Variants in FAM222B observed in about 807,000 individuals in gnomAD.
FAM222B encodes protein FAM222B.
Under a neutral mutation model 38.0 loss-of-function variants are expected in FAM222B, and 12 were observed. That is an observed-to-expected ratio of 0.32 (90% CI 0.20 to 0.51). The LOEUF (loss-of-function observed/expected upper bound fraction) is 0.51, where lower values mean the gene tolerates loss of function less well. Ranked by LOEUF, FAM222B falls within the 20% of genes least tolerant of loss-of-function variation. The pLI is 0.97. For synonymous variants in FAM222B, 329 were observed against 317.2 expected (o/e 1.04, Z -0.40); for missense variants, 716 against 754.2 (o/e 0.95, Z 0.59).
intron 1 of FAM222B, among the ~76,000 whole-genome samples, chr17:28,835,024 T>TTG (rs61229770): frequency 0.092 from 12,114 of 131,920 alleles, 571 homozygotes; most frequent in East Asian, 0.14. Flanking sequence ...TCAGCTAATT[T>TTG]TGTGTGTGTG....
intron 2 of FAM222B, among the ~76,000 whole-genome samples, chr17:28,760,946 T>C (rs1200888369): frequency 6.6e-6 from 1 of 152,236 alleles, no homozygotes; most frequent in Non-Finnish European, 1.5e-5. Context: ...ATTTATTTGC[T>C]TGAGAAGGAA....
At chr17:28,847,264 C>A (rs1342828583), upstream of FAM222B, among the ~76,000 whole-genome samples, 1 of 151,740 alleles carries the variant, frequency 6.6e-6, no homozygotes, top group Non-Finnish European at 1.5e-5. Flanking sequence ...CTTCCGTGAC[C>A]CCAAGTTACA....
intron 1 of FAM222B, chr17:28,776,917 T>C (rs1189974232): frequency 6.6e-6 from 1 of 152,192 alleles, no homozygotes; most frequent in Non-Finnish European, 1.5e-5. Flanking sequence ...ATTACAAGTT[T>C]ATCAAATCAG....
Position 28,759,010 on chromosome 17 carries a change from T to C in FAM222B, c.949A>G (p.Thr317Ala), listed in dbSNP as rs2034893294. ...TTGACCACACATGAAGGCATTGGTG[T>C]GGGGACGCTGTGGGTCGACACCCGG... Reference protein sequence around the residue: ...STRVSTHSVPTPMPSCVVNPM... With the variant: ...STRVSTHSVPAPMPSCVVNPM... The change falls in exon 3 of 3, where the codon ACA (threonine) becomes GCA (alanine). Residue 317 changes from threonine to alanine, a missense_variant. Thr to Ala is a moderately conservative substitution (Grantham distance 58). Coordinates refer to ENST00000581407, the MANE Select transcript of FAM222B (RefSeq NM_001077498.3). This position sits in a 1 kb window ranked among gnomAD's most constrained non-coding sequence, Gnocchi z 4.8. 9.3e-6 allele frequency: 15 copies of C among 1,612,922 alleles called. No individual in the cohort carries two copies. Among genetic ancestry groups the C allele is most frequent in the Non-Finnish European group, 1.3e-5 (15 of 1,179,532 alleles).
chr17:28,758,991 A>G lies in FAM222B; in HGVS notation c.968T>C (p.Val323Ala). The change falls in exon 3 of 3, where the codon GTG becomes GCG. Residue 323 changes from valine (V) to alanine (A), a missense_variant. Val to Ala is a moderately conservative substitution (Grantham distance 64, BLOSUM62 0). Transcript: ENST00000581407. ...HSVPTPMPSC[V>A]VNPMEHTHAA... ...GTGGGTGTGCTCCATGGGATTGACC[A>G]CACATGAAGGCATTGGTGTGGGGAC... 1.2e-6 allele frequency: 2 copies of G among 1,612,562 alleles called. No individual in the cohort carries two copies. The highest frequency in any genetic ancestry group is 1.7e-6 in the Non-Finnish European group (2 of 1,179,370).
At chr17:28,831,507 T>C (rs1027313110) in intron 1 of FAM222B, among the ~76,000 whole-genome samples, 6 of 147,262 alleles carry the variant, frequency 4.1e-5, no homozygotes, top group Admixed American at 2.0e-4. Flanking sequence ...TCAAAGGCTT[T>C]TTTTTTTTTT....
intron 1 of FAM222B, among the ~76,000 whole-genome samples, chr17:28,827,539 A>G (rs958511573): frequency 2.6e-5 from 4 of 152,194 alleles, no homozygotes; most frequent in African/African-American, 9.6e-5. Context: ...TGTTAGCAGG[A>G]TAGTAAAATG....
At position 28,761,378 on chromosome 17, in the gene FAM222B, A is replaced by G. The variant is rs569315345; in HGVS notation, c.83-1502T>C. On this transcript the variant is annotated intron_variant, in intron 2 of 2. Coordinates refer to ENST00000581407, the MANE Select transcript of FAM222B (RefSeq NM_001077498.3). Reference sequence around the variant, plus strand: ...GCTGAATGAGTACACAGACTGCCCAAAGCAGAAGTGGCTTGGCAGGAAGCC... The same window carrying G: ...GCTGAATGAGTACACAGACTGCCCAGAGCAGAAGTGGCTTGGCAGGAAGCC... 3.9e-5 allele frequency among the ~76,000 whole-genome samples: 6 copies of G among 152,310 alleles called. No homozygotes were observed. The South Asian group carries it at 1.2e-3, about 32-fold the overall frequency.
At chr17:28,806,583 G>A (rs1597978686) in intron 1 of FAM222B, among the ~76,000 whole-genome samples, 1 of 152,124 alleles carries the variant, frequency 6.6e-6, no homozygotes, top group African/African-American at 2.4e-5. Context: ...TAATTGGGAC[G>A]GCACCCTGTC....
chr17:28,821,671 C>T (rs531497630), intron 1 of FAM222B, among the ~76,000 whole-genome samples: 1 of 152,102 alleles, frequency 6.6e-6, no homozygotes, highest in South Asian at 2.1e-4. Flanking sequence ...ATAAAATAAT[C>T]GTACAGGGCC....
At chr17:28,846,540 G>A (rs987014307), upstream of FAM222B, among the ~76,000 whole-genome samples, 22 of 151,538 alleles carry the variant, frequency 1.5e-4, no homozygotes, top group African/African-American at 5.1e-4. Flanking sequence ...GTGGTGGCCC[G>A]CATCTGTAGT....
At chr17:28,796,586 G>A (rs1391229738) in intron 1 of FAM222B, among the ~76,000 whole-genome samples, 1 of 152,132 alleles carries the variant, frequency 6.6e-6, no homozygotes, top group Non-Finnish European at 1.5e-5. Flanking sequence ...CCAGTGTGTA[G>A]TAGTAAGAAG....
Position 28,758,816 on chromosome 17 carries a change from A to G in FAM222B, c.1143T>C (p.Ser381=), listed in dbSNP as rs1463552132. Residue 381 remains serine (S), a synonymous_variant, in exon 3 of 3, where the codon AGT becomes AGC. Transcript: ENST00000581407. Reference sequence around the variant, plus strand: ...CTGTCAGGCCAGGGGCTGGCGTCCCACTAGCCTCGCTGCACATCTGCTGTA... The same window carrying G: ...CTGTCAGGCCAGGGGCTGGCGTCCCGCTAGCCTCGCTGCACATCTGCTGTA... ...AHLQQMCSEA[S]GTPAPGLTGK... The G allele has an allele frequency of 2.5e-6, 4 of 1,586,398 alleles. No homozygotes were observed. The highest frequency in any genetic ancestry group is 3.4e-6 in the Non-Finnish European group (4 of 1,166,336).
chr17:28,773,041 G>A (rs955190593), intron 1 of FAM222B, among the ~76,000 whole-genome samples: 1 of 152,172 alleles, frequency 6.6e-6, no homozygotes, highest in Non-Finnish European at 1.5e-5. Flanking sequence ...GAGTGAACCA[G>A]TAAGAAACAG....
chr17:28,767,688 C>G (rs2035408010), intron 1 of FAM222B, among the ~76,000 whole-genome samples: 2 of 152,056 alleles, frequency 1.3e-5, no homozygotes, highest in East Asian at 1.9e-4. Context: ...GTTGGTCAGG[C>G]TGGTCTCAAA....
chr17:28,776,245 C>T (rs1235671531), intron 1 of FAM222B, among the ~76,000 whole-genome samples: 48 of 148,034 alleles, frequency 3.2e-4, no homozygotes, highest in Non-Finnish European at 1.9e-4. Flanking sequence ...GGCATGGTGG[C>T]AGGCGCCTAT....
At chr17:28,799,350 T>C (rs1293250192) in intron 1 of FAM222B, among the ~76,000 whole-genome samples, 1 of 141,766 alleles carries the variant, frequency 7.1e-6, no homozygotes, top group African/African-American at 2.7e-5. Flanking sequence ...CAAGCTGGAG[T>C]GCAGTGGTGC....
At chr17:28,767,421 G>C (rs781275673) in intron 1 of FAM222B, among the ~76,000 whole-genome samples, 7 of 151,958 alleles carry the variant, frequency 4.6e-5, no homozygotes, top group Non-Finnish European at 7.4e-5. Context: ...GCCTCCCAAA[G>C]TGCCGGGATT....
chr17:28,824,038 C>G (rs1464556211), intron 1 of FAM222B, among the ~76,000 whole-genome samples: 2 of 151,980 alleles, frequency 1.3e-5, no homozygotes, highest in East Asian at 3.9e-4. Flanking sequence ...CCACCACACC[C>G]AGCTCATTTT....
Sources: allele counts gnomAD v4.1 joint callset (sites outside exome capture counted in the v4.1 genomes callset), GRCh38; gene constraint gnomAD v4.1.1; non-coding constraint Gnocchi (gnomAD v3.1); transcripts MANE v1.5; gene names NCBI Gene and HGNC (gene_info 2026-07-23, HGNC 2026-07-21).